Variants in ACADM observed in about 807,000 individuals in gnomAD.
The protein encoded by ACADM is medium-chain specific acyl-CoA dehydrogenase, mitochondrial.
A neutral mutation model predicts 58.9 loss-of-function variants in ACADM; 49 were observed. The observed-to-expected ratio is 0.83, with a 90% CI of 0.66 to 1.06. The LOEUF (loss-of-function observed/expected upper bound fraction) is 1.06, where lower values mean the gene tolerates loss of function less well. Ranked by LOEUF, ACADM falls within the 50% of genes least tolerant of loss-of-function variation. The pLI, the probability that ACADM is intolerant of heterozygous loss-of-function variation, is 0.00. For synonymous variants in ACADM, 160 were observed against 157.7 expected, an observed-to-expected ratio of 1.01 and a Z score of -0.11; for missense variants, 496 against 507.0, an observed-to-expected ratio of 0.98 and a Z score of 0.21.
At chr1:75,738,412 G>A (rs1570873688) in intron 6 of ACADM, among the ~76,000 whole-genome samples, 1 of 151,938 alleles carries the variant, frequency 6.6e-6, no homozygotes, top group South Asian at 2.1e-4. Context: ...AGTAGAGACA[G>A]GGTTTCACCA....
intron 7 of ACADM, chr1:75,745,547 G>C (rs909332336): frequency 2.1e-6 from 1 of 485,094 alleles, no homozygotes; most frequent in Admixed American, 3.3e-5. Context: ...ACTGTACTGC[G>C]GGTAACTGAA....
At chr1:75,743,910 G>A (rs1647732750) in intron 7 of ACADM, 1 of 1,473,424 alleles carries the variant, frequency 6.8e-7, no homozygotes, top group East Asian at 2.3e-5. Flanking sequence ...GCAAGGCAAA[G>A]GCTGAGGCCT....
At chr1:75,758,088 G>A (rs1648611802) in intron 10 of ACADM, among the ~76,000 whole-genome samples, 2 of 151,786 alleles carry the variant, frequency 1.3e-5, no homozygotes. Flanking sequence ...TTCATACAGA[G>A]TCTCCCTCTT....
At chr1:75,735,441 AG>A (rs1376493999) in intron 6 of ACADM, among the ~76,000 whole-genome samples, 1 of 152,078 alleles carries the variant, frequency 6.6e-6, no homozygotes, top group Non-Finnish European at 1.5e-5. Context: ...TTACTTCAGG[AG>A]AGAGAGCTCT....
chr1:75,735,855 A>AT (rs397815007), intron 6 of ACADM, among the ~76,000 whole-genome samples: 2 of 151,102 alleles, frequency 1.3e-5, no homozygotes, highest in Non-Finnish European at 3.0e-5. Context: ...AAAAAAAAAA[A>AT]GCAATTAATG....
chr1:75,747,301 T>A (rs1209724676), intron 8 of ACADM, among the ~76,000 whole-genome samples: 1 of 151,966 alleles, frequency 6.6e-6, no homozygotes, highest in Admixed American at 6.6e-5. Context: ...TCTACTTCAA[T>A]AAATATTTAT....
At chr1:75,729,128 G>C (rs1353710) in intron 2 of ACADM, among the ~76,000 whole-genome samples, 1 of 151,642 alleles carries the variant, frequency 6.6e-6, no homozygotes, top group Admixed American at 6.6e-5. Flanking sequence ...AGGCAGCTGC[G>C]ATAACTCACA....
chr1:75,740,670 A>T (rs1435486209), intron 7 of ACADM, among the ~76,000 whole-genome samples: 3 of 152,218 alleles, frequency 2.0e-5, no homozygotes, highest in Non-Finnish European at 4.4e-5. Context: ...ATTTGTTGAT[A>T]AAAGATGAGG....
In ACADM at chr1:75,753,641, T is replaced by C. The variant is rs557491137; in HGVS notation, c.945+3095T>C. ...CAATATAGAATCTTCTCCTTTTATG[T>C]TCTCTTTCTTATAAATTCTAAAGAT... On this transcript the variant is annotated intron_variant, in intron 10 of 11. Transcript: ENST00000370841. Among the ~76,000 whole-genome samples, 8 of 152,036 alleles carry C rather than the reference T, an allele frequency of 5.3e-5. No homozygotes were observed. The South Asian group carries it at 1.4e-3, about 28-fold the overall frequency.
At chr1:75,729,306 T>TA (rs1015944990) in intron 2 of ACADM, among the ~76,000 whole-genome samples, 15 of 148,254 alleles carry the variant, frequency 1.0e-4, no homozygotes, top group Non-Finnish European at 2.1e-4. Flanking sequence ...TTTTTTTTTT[T>TA]TTTTTTAAGA....
At chr1:75,753,823 G>GT (rs371550566) in intron 10 of ACADM, among the ~76,000 whole-genome samples, 1 of 58,980 alleles carries the variant, frequency 1.7e-5, no homozygotes, top group African/African-American at 1.2e-4. Context: ...TTGAGACAGG[G>GT]TCTCACTCTA....
rs879019278 is a variant in ACADM at position 75,724,728 on chromosome 1, G to A, written c.-60G>A. On this transcript the variant is annotated 5_prime_UTR_variant, in exon 1 of 12. Coordinates refer to ENST00000370841, the MANE Select transcript of ACADM (RefSeq NM_000016.6). ...GGGACCAGAGGAGTCCCGCGTTCGGGGAGTATGTCAAGGCCGTGACCCGTG... is the reference window on the plus strand; with the variant it reads ...GGGACCAGAGGAGTCCCGCGTTCGGAGAGTATGTCAAGGCCGTGACCCGTG... 2 of 1,537,738 alleles carry A rather than the reference G, an allele frequency of 1.3e-6. No homozygotes were observed. The highest frequency in any genetic ancestry group is 2.4e-5 in the South Asian group (2 of 83,130).
chr1:75,734,914 G>A, intron 6 of ACADM, 43 bp downstream of exon 6: 3 of 1,433,108 alleles, frequency 2.1e-6, no homozygotes, highest in East Asian at 2.3e-5. Flanking sequence ...CTTAAGAAGG[G>A]AACAAAGGTG....
chr1:75,733,154 C>G (rs1414438145), intron 4 of ACADM: 1 of 1,612,688 alleles, frequency 6.2e-7, no homozygotes, highest in East Asian at 2.2e-5. Flanking sequence ...ACCTTGGTAA[C>G]TTCCGTTTCT....
intron 6 of ACADM, among the ~76,000 whole-genome samples, chr1:75,736,169 G>GAC (rs1281866209): frequency 1.8e-5 from 1 of 55,868 alleles, no homozygotes; most frequent in Non-Finnish European, 3.3e-5. Flanking sequence ...TACACACACA[G>GAC]ACATACACAC....
At chr1:75,729,280 C>CTT (rs1647105487) in intron 2 of ACADM, among the ~76,000 whole-genome samples, 1 of 72,400 alleles carries the variant, frequency 1.4e-5, no homozygotes, top group African/African-American at 5.4e-5. Flanking sequence ...TTTTCTTTTT[C>CTT]TTTCTTTCTT....
chr1:75,744,438 C>T, intron 7 of ACADM: 1 of 1,511,456 alleles, frequency 6.6e-7, no homozygotes. Flanking sequence ...ATGGAACCTG[C>T]ACCAATGTCT....
chr1:75,759,398 A>C (rs17587071), intron 10 of ACADM, among the ~76,000 whole-genome samples: 37,811 of 152,168 alleles, frequency 0.25, 5,016 homozygotes, highest in Non-Finnish European at 0.3. Context: ...CCTAGCAGAC[A>C]AAAGACAGCA....
At chr1:75,728,065 A>G (rs202221291) in intron 1 of ACADM, among the ~76,000 whole-genome samples, 136 of 152,244 alleles carry the variant, frequency 8.9e-4, no homozygotes, top group African/African-American at 3.2e-3. Flanking sequence ...CTCTCCAACC[A>G]TTAATGTCCT....
Sources: gnomAD v4.1 joint callset for allele counts (sites outside exome capture counted in the v4.1 genomes callset) on GRCh38, gnomAD v4.1.1 for gene constraint, MANE v1.5 for transcripts, NCBI Gene and HGNC (gene_info 2026-07-23, HGNC 2026-07-21) for gene names.